The following SCO2 variants were observed in gnomAD, a reference collection of about 807,000 sequenced individuals.
The protein encoded by SCO2 is cytochrome c oxidase assembly factor SCO2.
For missense variants in SCO2, 429 were observed against 348.7 expected, an observed-to-expected ratio of 1.23 and a Z score of -1.83; for synonymous variants, 195 against 148.6, an observed-to-expected ratio of 1.31 and a Z score of -2.27.
At position 50,525,574 on chromosome 22, in the gene SCO2, C is replaced by G; in HGVS notation, c.-116G>C. ...CGGCTCAGGGAAAGCGGGCGCCACACGCTCACAGGCAGGGCGCAGGCGTCC... is the reference window on the plus strand; with the variant it reads ...CGGCTCAGGGAAAGCGGGCGCCACAGGCTCACAGGCAGGGCGCAGGCGTCC... On this transcript the variant is annotated 5_prime_UTR_variant, in exon 1 of 2. Transcript: ENST00000395693. The G allele has an allele frequency of 2.5e-6, 2 of 792,740 alleles. No individual in the cohort carries two copies. The highest frequency in any genetic ancestry group is 2.0e-6 in the Non-Finnish European group (1 of 505,974). 49.1% of individuals were successfully genotyped at this position (792,740 alleles called of 1,614,324 possible).
upstream of SCO2, chr22:50,526,018 C>T (rs1275136706): frequency 6.8e-7 from 1 of 1,471,554 alleles, no homozygotes; most frequent in African/African-American, 1.5e-5. Context: ...CAGCCTCTGA[C>T]CCACGTCGAC....
upstream of SCO2, chr22:50,526,277 C>T (rs1299929503): frequency 1.9e-6 from 3 of 1,545,048 alleles, no homozygotes; most frequent in Admixed American, 1.9e-5. Flanking sequence ...CCTCCTGCTC[C>T]CGGGCGCGAG....
chr22:50,524,704 C>T (rs1011297364), intron 1 of SCO2: 1 of 636,802 alleles, frequency 1.6e-6, no homozygotes, highest in Non-Finnish European at 3.0e-6. Flanking sequence ...CTCTTGCTGA[C>T]GGAAAGCATT....
In SCO2 at chr22:50,524,236, G is replaced by A; in HGVS notation, c.176C>T (p.Thr59Ile). The A allele has an allele frequency of 6.2e-7, 1 of 1,607,026 alleles. No homozygotes were observed. The highest frequency in any genetic ancestry group is 8.5e-7 in the Non-Finnish European group (1 of 1,179,874). ...GAACAGGCCTGTGATCAGCAGCCGG[G>A]TTCGAAGCCCAGGGCCCTGGGGCTG... ...QGQPQGPGLR[T>I]RLLITGLFGA... The change falls in exon 2 of 2, where the codon ACC becomes ATC. Residue 59 changes from threonine (T) to isoleucine (I), a missense_variant. Physicochemically the swap from Thr to Ile is moderately conservative, Grantham distance 89. Coordinates refer to ENST00000395693, the MANE Select transcript of SCO2 (RefSeq NM_005138.3).
intron 1 of SCO2, chr22:50,524,692 A>G (rs1294710167): frequency 9.1e-6 from 6 of 659,394 alleles, no homozygotes; most frequent in African/African-American, 1.8e-5. Flanking sequence ...AGCAAGGTGA[A>G]CCTCTTGCTG....
At position 50,524,314 on chromosome 22, in the gene SCO2, A is replaced by C; in HGVS notation, c.98T>G (p.Leu33Arg). The C allele has an allele frequency of 1.2e-6, 2 of 1,602,122 alleles. No individual in the cohort carries two copies. Among genetic ancestry groups the C allele is most frequent in the Non-Finnish European group, 1.7e-6 (2 of 1,179,816 alleles). Reference protein sequence around the residue: ...PGTLGGQALHLRSWLLSRQGP... With the variant: ...PGTLGGQALHRRSWLLSRQGP... Reference sequence around the variant, plus strand: ...CTGCCTTGACAAAAGCCAGGACCTCAGATGCAGGGCCTGGCCTCCCAGGGT... The same window carrying C: ...CTGCCTTGACAAAAGCCAGGACCTCCGATGCAGGGCCTGGCCTCCCAGGGT... The change falls in exon 2 of 2, where the codon CTG (leucine) becomes CGG (arginine). Residue 33 changes from leucine to arginine, a missense_variant. Leu to Arg is a moderately radical substitution (Grantham distance 102). Transcript: ENST00000395693.
chr22:50,524,434 A>G lies in SCO2; in HGVS notation c.-13-10T>C. 1 of 1,609,614 alleles carries G rather than the reference A, an allele frequency of 6.2e-7. No individual in the cohort carries two copies. Among genetic ancestry groups the G allele is most frequent in the African/African-American group, 1.3e-5 (1 of 74,988 alleles). On this transcript the variant is annotated splice_polypyrimidine_tract_variant and intron_variant, in intron 1 of 1. Transcript: ENST00000395693. ...CATGGATCTGATGCTCCTGGAAACA[A>G]GCACAGGCGTCAGGAGCCAGAAGGG...
chr22:50,526,141 C>G, upstream of SCO2: 1 of 1,484,006 alleles, frequency 6.7e-7, no homozygotes, highest in Non-Finnish European at 8.9e-7. Context: ...CTCCACGGTG[C>G]CTGCGGGGAG....
intron 1 of SCO2, 80 bp from the exon 2 acceptor site, chr22:50,524,504 G>C (rs1422909281): frequency 7.5e-7 from 1 of 1,337,670 alleles, no homozygotes; most frequent in Admixed American, 1.9e-5. Context: ...CTTGAGACCA[G>C]CCACCCATCT....
chr22:50,526,293 A>G (rs1060499533), upstream of SCO2: 1 of 1,554,242 alleles, frequency 6.4e-7, no homozygotes, highest in Non-Finnish European at 8.6e-7. Flanking sequence ...GCGAGGCAGC[A>G]GCTGCCGGCG....
Position 50,524,324 on chromosome 22 carries a change from C to T in SCO2, c.88G>A (p.Ala30Thr). The T allele has an allele frequency of 6.2e-7, 1 of 1,601,868 alleles. No individual in the cohort carries two copies. Among genetic ancestry groups the T allele is most frequent in the Non-Finnish European group, 8.5e-7 (1 of 1,179,918 alleles). Residue 30 changes from alanine to threonine, a missense_variant, in exon 2 of 2, where the codon GCC becomes ACC. Coordinates refer to ENST00000395693, the MANE Select transcript of SCO2 (RefSeq NM_005138.3). Reference sequence around the variant, plus strand: ...AAAAGCCAGGACCTCAGATGCAGGGCCTGGCCTCCCAGGGTCCCAGGGAGG... The same window carrying T: ...AAAAGCCAGGACCTCAGATGCAGGGTCTGGCCTCCCAGGGTCCCAGGGAGG... ...RVLPGTLGGQ[A>T]LHLRSWLLSR...
Position 50,524,113 on chromosome 22 carries a change from C to T in SCO2, c.299G>A (p.Gly100Asp), listed in dbSNP as rs1243121340. The T allele has an allele frequency of 3.1e-6, 5 of 1,612,836 alleles. No individual in the cohort carries two copies. Among genetic ancestry groups the T allele is most frequent in the Non-Finnish European group, 3.4e-6 (4 of 1,180,014 alleles). The change falls in exon 2 of 2, where the codon GGC becomes GAC. Residue 100 changes from glycine (G) to aspartate (D), a missense_variant. Transcript: ENST00000395693. ...ATCCAGCAGGTGGAAGTCGCCCTGG[C>T]CCACAGCTGCCTGGCGCAGGGCTTC... ...RTEALRQAAV[G>D]QGDFHLLDHR...
At chr22:50,525,917 C>G, upstream of SCO2, 1 of 1,515,984 alleles carries the variant, frequency 6.6e-7, no homozygotes, top group Non-Finnish European at 8.8e-7. Flanking sequence ...GCCAGGGGGT[C>G]CCTGCAGAGC....
intron 1 of SCO2, among the ~76,000 whole-genome samples, chr22:50,525,044 C>T (rs1056747020): frequency 4.6e-5 from 7 of 152,236 alleles, no homozygotes; most frequent in African/African-American, 1.7e-4. Context: ...TCACAGCCGA[C>T]GCCCTGCCTT....
chr22:50,525,718 G>A (rs1486731951), upstream of SCO2: 5 of 1,586,404 alleles, frequency 3.2e-6, no homozygotes, highest in Non-Finnish European at 3.4e-6. Context: ...CCGCAGCCCT[G>A]GATCCTTCCG....
At chr22:50,525,878 G>C, upstream of SCO2, 3 of 1,588,638 alleles carry the variant, frequency 1.9e-6, no homozygotes, top group Non-Finnish European at 2.6e-6. Flanking sequence ...GCGGGCCGCT[G>C]AGCGCGGGGC....
chr22:50,525,979 G>A, upstream of SCO2: 2 of 1,390,976 alleles, frequency 1.4e-6, no homozygotes, highest in Non-Finnish European at 1.9e-6. Flanking sequence ...TGCGGGGCCA[G>A]CAGGGCGGGG....
In SCO2 at chr22:50,523,902, C is replaced by G; in HGVS notation, c.510G>C (p.Glu170Asp). ...VQPVFITVDP[E>D]RDDVEAMARY... is the part of the protein sequence containing the mutation. Reference sequence around the variant, plus strand: ...GGGCCATGGCTTCAACGTCGTCCCGCTCGGGGTCCACAGTGATGAAGACAG... The same window carrying G: ...GGGCCATGGCTTCAACGTCGTCCCGGTCGGGGTCCACAGTGATGAAGACAG... Residue 170 changes from glutamate (E) to aspartate (D), a missense_variant, in exon 2 of 2, where the codon GAG becomes GAC. By Grantham distance (45) the Glu-to-Asp change is conservative. Transcript: ENST00000395693. 6.2e-7 allele frequency: 1 copy of G among 1,613,804 alleles called. No individual in the cohort carries two copies. Among genetic ancestry groups the G allele is most frequent in the Non-Finnish European group, 8.5e-7 (1 of 1,179,978 alleles).
rs1234567016 is a variant in SCO2 at position 50,524,197 on chromosome 22, C to G, written c.215G>C (p.Gly72Ala). 1 of 1,608,656 alleles carries G rather than the reference C, an allele frequency of 6.2e-7. No individual in the cohort carries two copies. Among genetic ancestry groups the G allele is most frequent in the African/African-American group, 1.3e-5 (1 of 74,942 alleles). ...LITGLFGAGLGGAWLALRAEK... is the reference protein window; with the variant it reads ...LITGLFGAGLAGAWLALRAEK... ...AGCCCTCAGGGCCAGCCAGGCCCCA[C>G]CGAGTCCAGCCCCGAACAGGCCTGT... The change falls in exon 2 of 2, where the codon GGT becomes GCT. Residue 72 changes from glycine (G) to alanine (A), a missense_variant. Transcript: ENST00000395693.
Sources: allele counts gnomAD v4.1 joint callset (sites outside exome capture counted in the v4.1 genomes callset), GRCh38; gene constraint gnomAD v4.1.1; transcripts MANE v1.5; gene names NCBI Gene and HGNC (gene_info 2026-07-23, HGNC 2026-07-21).